Variants in MOB3B observed in about 807,000 individuals in gnomAD.
MOB3B encodes MOB kinase activator-like 2B.
MOB3B carries 7 observed loss-of-function variants against 18.7 expected under a neutral mutation model. That is an observed-to-expected ratio of 0.37 (90% CI 0.21 to 0.70). The LOEUF (loss-of-function observed/expected upper bound fraction) is 0.70. Ranked by LOEUF, MOB3B falls within the 30% of genes least tolerant of loss-of-function variation. The pLI, the probability that MOB3B is intolerant of heterozygous loss-of-function variation, is 0.52. For missense variants in MOB3B, 253 were observed against 281.3 expected (o/e 0.90, Z 0.72); for synonymous variants, 111 against 99.9 (o/e 1.11, Z -0.66).
intron 3 of MOB3B, among the ~76,000 whole-genome samples, chr9:27,354,604 T>C (rs920536633): frequency 6.6e-6 from 1 of 152,192 alleles, no homozygotes; most frequent in African/African-American, 2.4e-5. Context: ...AAGGGGCGTA[T>C]TGAAGAGAGT....
At chr9:27,369,913 T>C (rs933387321) in intron 2 of MOB3B, among the ~76,000 whole-genome samples, 4 of 149,526 alleles carry the variant, frequency 2.7e-5, no homozygotes, top group African/African-American at 9.9e-5. Context: ...ATGACAATAC[T>C]ACCACATCAA....
At chr9:27,382,135 T>G (rs1455788881) in intron 2 of MOB3B, among the ~76,000 whole-genome samples, 1 of 152,176 alleles carries the variant, frequency 6.6e-6, no homozygotes, top group Non-Finnish European at 1.5e-5. Context: ...GAAATGACAT[T>G]TGTATGTGTT....
chr9:27,424,242 C>A (rs1468218311), intron 2 of MOB3B, among the ~76,000 whole-genome samples: 2 of 152,160 alleles, frequency 1.3e-5, no homozygotes, highest in African/African-American at 4.8e-5. Flanking sequence ...CTTAAAGACA[C>A]TAAGACTACA....
chr9:27,363,425 C>T (rs866094865), intron 2 of MOB3B, among the ~76,000 whole-genome samples: 4 of 151,898 alleles, frequency 2.6e-5, no homozygotes, highest in African/African-American at 7.3e-5. Flanking sequence ...CCCGCCGCCA[C>T]GCCCGGCTAA....
chr9:27,383,334 T>C (rs891643229), intron 2 of MOB3B, among the ~76,000 whole-genome samples: 2 of 152,224 alleles, frequency 1.3e-5, no homozygotes, highest in African/African-American at 4.8e-5. Flanking sequence ...ATAAAGTTTC[T>C]CATTTAATCT....
intron 2 of MOB3B, among the ~76,000 whole-genome samples, chr9:27,432,634 G>A (rs997503524): frequency 3.9e-5 from 6 of 152,052 alleles, no homozygotes; most frequent in Non-Finnish European, 7.4e-5. Flanking sequence ...ATAATAGAAC[G>A]TTAGTATTTG....
intron 2 of MOB3B, among the ~76,000 whole-genome samples, chr9:27,398,185 C>G (rs1234380376): frequency 6.6e-6 from 1 of 152,176 alleles, no homozygotes. Context: ...TGTGGAGAAA[C>G]AGAATCCAAT....
intron 2 of MOB3B, among the ~76,000 whole-genome samples, chr9:27,450,332 G>A (rs1280113889): frequency 6.6e-6 from 1 of 152,148 alleles, no homozygotes; most frequent in Non-Finnish European, 1.5e-5. Context: ...TAGGTGCTCA[G>A]CAAACACTCA....
Position 27,460,574 on chromosome 9 carries a change from C to A in MOB3B, c.-198-4826G>T, listed in dbSNP as rs554065309. ...CTCCTGAGAGATCCATCTTCTCTAGCCAGGCCCACCTCTAAGAGACCTTGG... is the reference window on the plus strand; with the variant it reads ...CTCCTGAGAGATCCATCTTCTCTAGACAGGCCCACCTCTAAGAGACCTTGG... On this transcript the variant is annotated intron_variant, in intron 1 of 3. Transcript: ENST00000262244. Among the ~76,000 whole-genome samples, 5 of 152,242 alleles carry A rather than the reference C, an allele frequency of 3.3e-5. No individual in the cohort carries two copies. In the East Asian group the frequency reaches 9.7e-4, roughly 29 times the overall value.
At chr9:27,468,198 T>C (rs1173202760) in intron 1 of MOB3B, among the ~76,000 whole-genome samples, 1 of 152,220 alleles carries the variant, frequency 6.6e-6, no homozygotes, top group African/African-American at 2.4e-5. Context: ...GGTGCATTTG[T>C]ACCAGTTACT....
chr9:27,380,657 G>A (rs981461866), intron 2 of MOB3B, among the ~76,000 whole-genome samples: 5 of 152,098 alleles, frequency 3.3e-5, no homozygotes, highest in African/African-American at 4.8e-5. Flanking sequence ...GGGAGGAGTG[G>A]AGGTGGTCCA....
chr9:27,390,506 T>A (rs918606068), intron 2 of MOB3B, among the ~76,000 whole-genome samples: 2 of 152,196 alleles, frequency 1.3e-5, no homozygotes, highest in African/African-American at 4.8e-5. Flanking sequence ...CCGGCCAAGT[T>A]GCTAATATTA....
At chr9:27,357,127 T>TATATATATATATAC (rs373637198) in intron 3 of MOB3B, among the ~76,000 whole-genome samples, 1 of 57,068 alleles carries the variant, frequency 1.8e-5, no homozygotes, top group East Asian at 6.9e-4. Flanking sequence ...TGCAAATATA[T>TATATATATATATAC]ATATATATAT....
intron 1 of MOB3B, among the ~76,000 whole-genome samples, chr9:27,466,997 A>G (rs961159818): frequency 6.6e-6 from 1 of 152,162 alleles, no homozygotes; most frequent in Non-Finnish European, 1.5e-5. Context: ...ACAACCATCT[A>G]GCTAGATGAT....
intron 3 of MOB3B, among the ~76,000 whole-genome samples, chr9:27,354,017 C>G (rs1339457228): frequency 6.6e-6 from 1 of 152,240 alleles, no homozygotes; most frequent in African/African-American, 2.4e-5. Flanking sequence ...TGATCTGTCA[C>G]GTCTGTGTCT....
At chr9:27,367,878 C>T (rs1423150843) in intron 2 of MOB3B, among the ~76,000 whole-genome samples, 1 of 152,158 alleles carries the variant, frequency 6.6e-6, no homozygotes, top group African/African-American at 2.4e-5. Context: ...ACCTGATTTC[C>T]TGGCCAATCC....
At position 27,326,068 on chromosome 9, in the gene MOB3B, TAAAG is replaced by T; in HGVS notation, c.*4515_*4518del. The T allele has an allele frequency of 6.3e-6, 1 of 158,022 alleles. No homozygotes were observed. The highest frequency in any genetic ancestry group is 1.4e-5 in the Non-Finnish European group (1 of 72,638). The allele number at this position is 158,022 out of a possible 1,614,324, so 9.8% of individuals were successfully genotyped here. ...GATAAACCAAAATGATTGAGTATGA[TAAAG>T]AATTTTGCATGGCGATTAAAATAGA... On this transcript the variant is annotated 3_prime_UTR_variant, in exon 4 of 4. Transcript: ENST00000262244.
At chr9:27,498,133 C>T (rs755104145) in intron 1 of MOB3B, among the ~76,000 whole-genome samples, 11 of 152,188 alleles carry the variant, frequency 7.2e-5, no homozygotes, top group African/African-American at 2.4e-4. Context: ...ATTCCCAGCC[C>T]ACAGAAACGC....
intron 3 of MOB3B, among the ~76,000 whole-genome samples, chr9:27,354,845 A>G (rs767708052): frequency 2.0e-5 from 3 of 152,182 alleles, no homozygotes; most frequent in African/African-American, 7.2e-5. Flanking sequence ...TAAGACAGAA[A>G]AGAGGTCATG....
Sources: allele counts gnomAD v4.1 joint callset (sites outside exome capture counted in the v4.1 genomes callset), GRCh38; gene constraint gnomAD v4.1.1; transcripts MANE v1.5; gene names NCBI Gene and HGNC (gene_info 2026-07-23, HGNC 2026-07-21).